The following ABLIM1 variants were observed in gnomAD, a reference collection of about 807,000 sequenced individuals.
ABLIM1 encodes actin binding LIM protein 1, also known as actin-binding LIM protein 1.
In ABLIM1, 40 loss-of-function variants were observed where a neutral mutation model predicts 107.0. That is an observed-to-expected ratio of 0.37 (90% CI 0.29 to 0.49). The LOEUF is 0.49. Ranked by LOEUF, ABLIM1 falls within the 20% of genes least tolerant of loss-of-function variation. The pLI is 0.97. For missense variants in ABLIM1, 857 were observed against 1,008.5 expected (o/e 0.85, Z 2.04); for synonymous variants, 357 against 357.3 (o/e 1.00, Z 0.01).
At chr10:114,677,647 C>T (rs548082842) in intron 1 of ABLIM1, among the ~76,000 whole-genome samples, 2 of 152,254 alleles carry the variant, frequency 1.3e-5, no homozygotes, top group Admixed American at 6.5e-5. Context: ...TGGTGGCATG[C>T]GCCTGTAATT....
chr10:114,769,567 A>AAAGAAAGAGAAGGG (rs1377842245), upstream of ABLIM1, among the ~76,000 whole-genome samples: 2 of 42,306 alleles, frequency 4.7e-5, no homozygotes, highest in Non-Finnish European at 9.0e-5. Flanking sequence ...AGAAGGGAAG[A>AAAGAAAGAGAAGGG]AAGAAAGAAA....
chr10:114,539,934 C>T (rs963358529), intron 6 of ABLIM1, among the ~76,000 whole-genome samples: 38 of 152,096 alleles, frequency 2.5e-4, no homozygotes, highest in African/African-American at 8.2e-4. Flanking sequence ...GGAGAAAAGA[C>T]GGAGAGAGCA....
chr10:114,544,661 G>A (rs1453857821), intron 6 of ABLIM1, among the ~76,000 whole-genome samples: 1 of 152,102 alleles, frequency 6.6e-6, no homozygotes, highest in African/African-American at 2.4e-5. Context: ...ATGCACACAT[G>A]CACACATGGA....
At chr10:114,604,710 C>A (rs1410325013) in intron 1 of ABLIM1, among the ~76,000 whole-genome samples, 1 of 152,208 alleles carries the variant, frequency 6.6e-6, no homozygotes, top group Non-Finnish European at 1.5e-5. Context: ...ATTCAAAAGA[C>A]CATCCTCTTC....
chr10:114,601,614 G>T, intron 2 of ABLIM1: 1 of 723,782 alleles, frequency 1.4e-6, no homozygotes, highest in Non-Finnish European at 2.4e-6. Flanking sequence ...GCCTCAGTGA[G>T]CACCCAAAGG....
At chr10:114,645,437 T>C (rs116559543) in intron 1 of ABLIM1, among the ~76,000 whole-genome samples, 1 of 152,136 alleles carries the variant, frequency 6.6e-6, no homozygotes, top group Non-Finnish European at 1.5e-5. Flanking sequence ...AATAAATTAC[T>C]TGCTTTTAAG....
the ABLIM1 span, among the ~76,000 whole-genome samples, chr10:114,794,672 A>G: frequency 0.013 from 2,038 of 152,298 alleles, 52 homozygotes; most frequent in African/African-American, 0.046. Flanking sequence ...CTAATCACTA[A>G]CCTTTTTAAT....
intron 20 of ABLIM1, chr10:114,439,511 C>T (rs2059900629): frequency 1.3e-5 from 7 of 552,394 alleles, no homozygotes; most frequent in African/African-American, 1.9e-5. Flanking sequence ...TGAATGAAAG[C>T]ATATAGTACA....
At chr10:114,604,994 TACATTACACC>T (rs1363920671) in intron 1 of ABLIM1, among the ~76,000 whole-genome samples, 1 of 152,220 alleles carries the variant, frequency 6.6e-6, no homozygotes, top group Non-Finnish European at 1.5e-5. Flanking sequence ...TTTGGAAATA[TACATTACACC>T]ACAAAGTCCC....
intron 12 of ABLIM1, chr10:114,463,306 G>C (rs943169652): frequency 1.0e-3 from 822 of 795,922 alleles, no homozygotes; most frequent in Middle Eastern, 2.7e-3. Context: ...AGGGAGGAAG[G>C]AGAAAGGGTT....
At chr10:114,613,461 C>T (rs1157196527) in intron 1 of ABLIM1, among the ~76,000 whole-genome samples, 1 of 152,206 alleles carries the variant, frequency 6.6e-6, no homozygotes, top group African/African-American at 2.4e-5. Context: ...CAGGGCCTTC[C>T]TCTTCCTGCC....
At chr10:114,729,877 A>G (rs1014042368) in intron 1 of ABLIM1, among the ~76,000 whole-genome samples, 32 of 152,152 alleles carry the variant, frequency 2.1e-4, no homozygotes, top group Non-Finnish European at 1.0e-4. Context: ...ACTAGAATAC[A>G]AACGTTTTGA....
intron 21 of ABLIM1, among the ~76,000 whole-genome samples, chr10:114,438,409 G>A (rs1383173294): frequency 6.6e-6 from 1 of 152,126 alleles, no homozygotes; most frequent in Non-Finnish European, 1.5e-5. Flanking sequence ...ATAGGCACAT[G>A]TCGTCATGCC....
At chr10:114,527,808 G>T (rs1354998330) in intron 6 of ABLIM1, among the ~76,000 whole-genome samples, 1 of 151,332 alleles carries the variant, frequency 6.6e-6, no homozygotes, top group African/African-American at 2.4e-5. Flanking sequence ...GGGATTACAG[G>T]TGTGAGCCAC....
chr10:114,692,421 C>T (rs1322412365), intron 1 of ABLIM1, among the ~76,000 whole-genome samples: 1 of 152,238 alleles, frequency 6.6e-6, no homozygotes, highest in Admixed American at 6.5e-5. Flanking sequence ...GCTCAATACA[C>T]ATCACAACAT....
intron 2 of ABLIM1, 25 bp from the exon 3 acceptor site, chr10:114,575,624 G>A (rs2138970135): frequency 6.2e-7 from 1 of 1,602,588 alleles, no homozygotes. Flanking sequence ...GTTCACATCT[G>A]GTCATTATCT....
chr10:114,550,411 G>A (rs535233841), intron 4 of ABLIM1, among the ~76,000 whole-genome samples: 28 of 152,198 alleles, frequency 1.8e-4, no homozygotes, highest in African/African-American at 6.7e-4. Context: ...TTTTAGAGCA[G>A]GTGTAGGTTC....
At chr10:114,721,031 C>T (rs1158948983) in intron 1 of ABLIM1, among the ~76,000 whole-genome samples, 2 of 152,234 alleles carry the variant, frequency 1.3e-5, no homozygotes, top group African/African-American at 2.4e-5. Flanking sequence ...ATCTGGCTAA[C>T]ATCAAATGTC....
intron 1 of ABLIM1, among the ~76,000 whole-genome samples, chr10:114,640,558 C>CA (rs1487614470): frequency 6.6e-6 from 1 of 151,778 alleles, no homozygotes; most frequent in African/African-American, 2.4e-5. Context: ...ACAACAACAA[C>CA]AACAACAAAA....
Sources: gnomAD v4.1 joint callset for allele counts (sites outside exome capture counted in the v4.1 genomes callset) on GRCh38, gnomAD v4.1.1 for gene constraint, MANE v1.5 for transcripts, NCBI Gene and HGNC (gene_info 2026-07-23, HGNC 2026-07-21) for gene names.